The following CTNNA2 variants were observed in gnomAD, a reference collection of about 807,000 sequenced individuals.
CTNNA2 encodes catenin alpha-2.
Under a neutral mutation model 101.0 loss-of-function variants are expected in CTNNA2, and 42 were observed. The observed-to-expected ratio is 0.42, with a 90% confidence interval of 0.32 to 0.54. The LOEUF (loss-of-function observed/expected upper bound fraction) is 0.54, where lower values mean the gene tolerates loss of function less well. Ranked by LOEUF, CTNNA2 falls within the 20% of genes least tolerant of loss-of-function variation. The probability of loss-of-function intolerance (pLI) is 0.14; values close to 1 mark genes in which losing one functional copy is unlikely to be tolerated. For missense variants in CTNNA2, 871 were observed against 1,223.1 expected (o/e 0.71, Z 4.29); for synonymous variants, 450 against 456.4 (o/e 0.99, Z 0.18).
At chr2:80,585,064 TTG>T (rs1489946103) in intron 14 of CTNNA2, among the ~76,000 whole-genome samples, 1 of 132,562 alleles carries the variant, frequency 7.5e-6, no homozygotes, top group Non-Finnish European at 1.6e-5. Flanking sequence ...GTCCCTTTAA[TTG>T]TTATTTATAA....
intron 7 of CTNNA2, among the ~76,000 whole-genome samples, chr2:80,202,692 ATAAAC>A (rs1183584700): frequency 2.6e-5 from 4 of 152,116 alleles, no homozygotes; most frequent in African/African-American, 9.7e-5. Flanking sequence ...CAAACCAGCC[ATAAAC>A]TATGGAGCAA....
chr2:80,027,024 G>T (rs1694972098), intron 7 of CTNNA2, among the ~76,000 whole-genome samples: 1 of 152,186 alleles, frequency 6.6e-6, no homozygotes, highest in Non-Finnish European at 1.5e-5. Context: ...GGAGTAGTAT[G>T]TATAGATGAC....
At chr2:79,349,078 C>T (rs978923082) in intron 3 of CTNNA2, among the ~76,000 whole-genome samples, 9 of 152,176 alleles carry the variant, frequency 5.9e-5, no homozygotes, top group Non-Finnish European at 1.2e-4. Flanking sequence ...TTAACTGACT[C>T]ACCTTGTCCA....
chr2:80,352,624 G>A (rs1176487561), intron 7 of CTNNA2, among the ~76,000 whole-genome samples: 1 of 152,074 alleles, frequency 6.6e-6, no homozygotes, highest in Non-Finnish European at 1.5e-5. Context: ...GTAAAGGAAT[G>A]GTTGCTTGGT....
At chr2:80,333,996 G>A (rs538315019) in intron 7 of CTNNA2, among the ~76,000 whole-genome samples, 15 of 152,290 alleles carry the variant, frequency 9.8e-5, no homozygotes, top group East Asian at 1.9e-4. Flanking sequence ...AGTGTTGCAC[G>A]TCAAAGGCAC....
intron 7 of CTNNA2, among the ~76,000 whole-genome samples, chr2:80,016,295 TAG>T (rs1410355542): frequency 6.6e-6 from 1 of 152,162 alleles, no homozygotes; most frequent in African/African-American, 2.4e-5. Flanking sequence ...GGAGTCTAGT[TAG>T]AGAGTCAGCT....
At chr2:80,031,058 A>AT (rs1574585866) in intron 7 of CTNNA2, among the ~76,000 whole-genome samples, 1 of 138,688 alleles carries the variant, frequency 7.2e-6, no homozygotes, top group Admixed American at 8.4e-5. Flanking sequence ...ATGCATAGAT[A>AT]TTTTTTAATG....
At position 80,538,619 on chromosome 2, in the gene CTNNA2, T is replaced by G. The variant is rs186791666; in HGVS notation, c.1291-6363T>G. Among the ~76,000 whole-genome samples the G allele has an allele frequency of 5.9e-4, 90 of 152,372 alleles. 1 individual carries two copies. Among genetic ancestry groups the G allele is most frequent in the Admixed American group, 1.8e-3 (27 of 15,312 alleles). On this transcript the variant is annotated intron_variant, in intron 9 of 18. Transcript: ENST00000402739. ...TGGTACCAGCACCATGCTGTTTTGG[T>G]TACTGTAACCTTGTAGTACAGTTTG...
At chr2:80,472,166 A>G (rs901515874) in intron 9 of CTNNA2, among the ~76,000 whole-genome samples, 3 of 151,486 alleles carry the variant, frequency 2.0e-5, no homozygotes, top group Admixed American at 6.6e-5. Flanking sequence ...AGTCTAGAGG[A>G]CCTGCAGATA....
intron 14 of CTNNA2, 105 bp from the exon 15 acceptor site, chr2:80,589,199 A>C: frequency 8.7e-7 from 1 of 1,148,406 alleles, no homozygotes; most frequent in Middle Eastern, 2.4e-4. Flanking sequence ...GGTAGCTCAT[A>C]AGCCTTTGCA....
intron 2 of CTNNA2, among the ~76,000 whole-genome samples, chr2:79,691,519 A>C (rs1684298952): frequency 6.6e-6 from 1 of 152,072 alleles, no homozygotes; most frequent in South Asian, 2.1e-4. Context: ...AGAAAAAAAA[A>C]ACTACTTTAA....
chr2:79,854,194 A>C (rs1337141726), intron 3 of CTNNA2, among the ~76,000 whole-genome samples: 1 of 152,206 alleles, frequency 6.6e-6, no homozygotes, highest in African/African-American at 2.4e-5. Context: ...CTTGCTTCTA[A>C]GGAAGAAACA....
chr2:80,304,134 A>C, intron 7 of CTNNA2: 1 of 285,054 alleles, frequency 3.5e-6, no homozygotes, highest in Non-Finnish European at 6.4e-6. Flanking sequence ...GAATTTAATT[A>C]AAAAGTGTCT....
At chr2:79,528,128 A>G (rs1672526472) in intron 1 of CTNNA2, among the ~76,000 whole-genome samples, 1 of 152,192 alleles carries the variant, frequency 6.6e-6, no homozygotes, top group South Asian at 2.1e-4. Context: ...ATGTAGAGAA[A>G]AACTAGTGGT....
intron 18 of CTNNA2, among the ~76,000 whole-genome samples, chr2:80,630,960 G>A (rs1672225689): frequency 6.6e-6 from 1 of 152,172 alleles, no homozygotes; most frequent in Non-Finnish European, 1.5e-5. Context: ...ACTGTAACAG[G>A]CAGTGACTTC....
At chr2:80,552,091 G>A (rs573570607) in intron 11 of CTNNA2, among the ~76,000 whole-genome samples, 4 of 152,240 alleles carry the variant, frequency 2.6e-5, no homozygotes, top group East Asian at 3.9e-4. Context: ...GAACACGCCC[G>A]ACATTTATTG....
chr2:80,647,005 T>G (rs2193692), intron 18 of CTNNA2, among the ~76,000 whole-genome samples: 88,337 of 151,904 alleles, frequency 0.58, 25,863 homozygotes, highest in East Asian at 0.69. Context: ...TTAATGCATG[T>G]ATGAGAAGGT....
chr2:79,798,109 T>C (rs12612000), intron 3 of CTNNA2, among the ~76,000 whole-genome samples: 63,228 of 151,474 alleles, frequency 0.42, 15,591 homozygotes, highest in African/African-American at 0.67. Context: ...CCCTGCCCCA[T>C]ACTAGAACTG....
At chr2:79,282,672 G>A (rs897573431) in intron 2 of CTNNA2, among the ~76,000 whole-genome samples, 1 of 144,238 alleles carries the variant, frequency 6.9e-6, no homozygotes, top group Non-Finnish European at 1.5e-5. Context: ...GGACATTTGG[G>A]TTGGTTCCAA....
Sources: allele counts gnomAD v4.1 joint callset (sites outside exome capture counted in the v4.1 genomes callset), GRCh38; gene constraint gnomAD v4.1.1; transcripts MANE v1.5; gene names NCBI Gene and HGNC (gene_info 2026-07-23, HGNC 2026-07-21).